The following GPM6B variants were observed in gnomAD, a reference collection of about 807,000 sequenced individuals.
GPM6B encodes glycoprotein M6B, also known as neuronal membrane glycoprotein M6-b.
In GPM6B, 4 loss-of-function variants were observed where a neutral mutation model predicts 27.2. The ratio of observed to expected loss-of-function variants is 0.15; its 90% confidence interval spans 0.07 to 0.34. The LOEUF (loss-of-function observed/expected upper bound fraction) is 0.34, where lower values mean the gene tolerates loss of function less well. Ranked by LOEUF, GPM6B falls within the 10% of genes least tolerant of loss-of-function variation. The pLI, the probability that GPM6B is intolerant of heterozygous loss-of-function variation, is 1.00. For synonymous variants in GPM6B, 124 were observed against 103.1 expected, an observed-to-expected ratio of 1.20 and a Z score of -1.23; for missense variants, 183 against 261.9, an observed-to-expected ratio of 0.70 and a Z score of 2.08.
rs5901522 is a variant in GPM6B at position 13,886,719 on chromosome X, T to TAAAAAA, written c.-198+51602_-198+51607dup. On this transcript the variant is annotated intron_variant, in intron 1 of 6. Transcript: ENST00000398361. ...ACCTCTCTCTACCTTAAGTCACTAC[T>TAAAAAA]AAAAAAAAAAAAAAAAAAAAAAATC... is the stretch of plus-strand genomic sequence containing the variant. Among the ~76,000 whole-genome samples the TAAAAAA allele has an allele frequency of 9.4e-4, 33 of 35,099 alleles. 5 individuals carry two copies. Among genetic ancestry groups the TAAAAAA allele is most frequent in the African/African-American group, 5.2e-3 (27 of 5,147 alleles). The allele number at this position is 35,099 out of a possible 115,157, so 30.5% of individuals were successfully genotyped here.
intron 1 of GPM6B, among the ~76,000 whole-genome samples, chrX:13,838,894 C>A (rs2049538013): frequency 9.0e-6 from 1 of 111,624 alleles, no homozygotes; most frequent in African/African-American, 3.3e-5. Flanking sequence ...AAGCCCCCAA[C>A]CTATTGACTG....
intron 1 of GPM6B, among the ~76,000 whole-genome samples, chrX:13,900,724 T>A (rs770348179): frequency 5.4e-5 from 6 of 112,055 alleles, no homozygotes; most frequent in African/African-American, 1.9e-4. Flanking sequence ...AACTTTTAAA[T>A]CTTGGATAGT....
chrX:13,848,709 G>T (rs186366334), intron 1 of GPM6B, among the ~76,000 whole-genome samples: 61 of 111,998 alleles, frequency 5.4e-4, no homozygotes, highest in Admixed American at 1.6e-3. Flanking sequence ...AAAAGTTAAA[G>T]AGTTATCATA....
chrX:13,871,067 T>TAAAACA (rs879688661), intron 1 of GPM6B, among the ~76,000 whole-genome samples: 2 of 97,372 alleles, frequency 2.1e-5, no homozygotes, highest in Admixed American at 1.2e-4. Context: ...ACCCTATCTC[T>TAAAACA]AAAACAAAAA....
intron 7 of GPM6B, among the ~76,000 whole-genome samples, chrX:13,775,373 A>T (rs1011107682): frequency 8.8e-6 from 1 of 113,165 alleles, no homozygotes; most frequent in Non-Finnish European, 1.9e-5. Context: ...GAGGCTGAAC[A>T]AGGCAATACT....
chrX:13,905,404 A>G (rs900127287), intron 1 of GPM6B, among the ~76,000 whole-genome samples: 5 of 111,301 alleles, frequency 4.5e-5, no homozygotes, highest in Non-Finnish European at 7.5e-5. Context: ...TCTTAAACTC[A>G]GTGGCTGACG....
At chrX:13,913,700 T>G (rs958894569) in intron 1 of GPM6B, among the ~76,000 whole-genome samples, 10 of 111,735 alleles carry the variant, frequency 8.9e-5, no homozygotes, top group African/African-American at 2.9e-4. Flanking sequence ...ATAACAAAAT[T>G]TATACTCAAC....
At chrX:13,898,548 C>A (rs1242170479) in intron 1 of GPM6B, among the ~76,000 whole-genome samples, 2 of 112,041 alleles carry the variant, frequency 1.8e-5, no homozygotes, top group African/African-American at 6.5e-5. Flanking sequence ...ATGGGTGATG[C>A]CAATGCACAT....
At chrX:13,869,237 T>C (rs1479394637) in intron 1 of GPM6B, among the ~76,000 whole-genome samples, 2 of 111,422 alleles carry the variant, frequency 1.8e-5, no homozygotes, top group East Asian at 5.6e-4. Flanking sequence ...AAATATCACA[T>C]ATGATTCAAT....
At position 13,783,624 on chromosome X, in the gene GPM6B, T is replaced by C. The variant is rs150424091; in HGVS notation, c.369-103A>G. The C allele has an allele frequency of 1.4e-3, 971 of 700,404 alleles. 9 individuals carry two copies. The East Asian group carries it at 0.023, about 17-fold the overall frequency. 57.7% of individuals were successfully genotyped at this position (700,404 alleles called of 1,213,427 possible). ...GACATGAGGGGGATGTTCCTGTGAG[T>C]GCGTCACTCGCCCCACTGATGGCTT... On this transcript the variant is annotated intron_variant, in intron 3 of 7. Coordinates refer to ENST00000316715, the MANE Select transcript of GPM6B (RefSeq NM_001001995.3).
intron 1 of GPM6B, among the ~76,000 whole-genome samples, chrX:13,891,736 G>T (rs1475754832): frequency 8.9e-6 from 1 of 111,980 alleles, no homozygotes; most frequent in Non-Finnish European, 1.9e-5. Flanking sequence ...TATGATTTAA[G>T]TCTGCTTGTC....
intron 1 of GPM6B, among the ~76,000 whole-genome samples, chrX:13,905,895 C>T (rs1371712471): frequency 9.0e-6 from 1 of 110,614 alleles, no homozygotes; most frequent in Non-Finnish European, 1.9e-5. Context: ...AAAAAAAAAC[C>T]CTCTGAATCC....
At chrX:13,836,430 A>T (rs755121988) in intron 1 of GPM6B, among the ~76,000 whole-genome samples, 1 of 112,362 alleles carries the variant, frequency 8.9e-6, no homozygotes, top group East Asian at 2.8e-4. Context: ...TAAATGAATG[A>T]GCTCTAACCC....
At chrX:13,818,859 C>G (rs1481296372), upstream of GPM6B, among the ~76,000 whole-genome samples, 1 of 112,542 alleles carries the variant, frequency 8.9e-6, no homozygotes, top group Non-Finnish European at 1.9e-5. Context: ...GCTTTCCCAG[C>G]AGTTCAAATG....
chrX:13,792,306 T>C (rs1310562783), intron 2 of GPM6B, among the ~76,000 whole-genome samples: 1 of 111,878 alleles, frequency 8.9e-6, no homozygotes, highest in Non-Finnish European at 1.9e-5. Flanking sequence ...TATGCTCTTA[T>C]AACAAAGAAT....
intron 1 of GPM6B, among the ~76,000 whole-genome samples, chrX:13,898,296 G>GC (rs1190659852): frequency 1.8e-5 from 2 of 112,307 alleles, no homozygotes; most frequent in African/African-American, 3.2e-5. Flanking sequence ...AAAAATGTCT[G>GC]CAAGACATTG....
intron 1 of GPM6B, among the ~76,000 whole-genome samples, chrX:13,892,481 T>C (rs1275809214): frequency 1.8e-5 from 2 of 112,385 alleles, no homozygotes; most frequent in Admixed American, 1.9e-4. Context: ...TCCATGCTTA[T>C]ATACCAAGTG....
rs1266901945 is a variant in GPM6B at position 13,827,172 on chromosome X, G to A, written c.-197-41364C>T. On this transcript the variant is annotated intron_variant, in intron 1 of 6. Coordinates refer to the GPM6B transcript ENST00000398361. Reference sequence around the variant, plus strand: ...TATATCATCTGCCAAAATCCCAATCGCACTGTCTCCCCATCTCCCCAGCTC... The same window carrying A: ...TATATCATCTGCCAAAATCCCAATCACACTGTCTCCCCATCTCCCCAGCTC... Among the ~76,000 whole-genome samples the A allele has an allele frequency of 3.7e-5, 4 of 108,531 alleles. No individual in the cohort carries two copies. The South Asian group carries it at 1.2e-3, about 34-fold the overall frequency. The allele number at this position is 108,531 out of a possible 115,157, so 94.2% of individuals were successfully genotyped here. A position where few individuals can be genotyped will look rare whatever the true frequency, so the allele number is the denominator to read the frequency against.
At chrX:13,922,000 G>A (rs1325844606) in intron 1 of GPM6B, among the ~76,000 whole-genome samples, 1 of 111,814 alleles carries the variant, frequency 8.9e-6, no homozygotes, top group Non-Finnish European at 1.9e-5. Flanking sequence ...CCCAGGTGTT[G>A]CCATGGCAAT....
Sources: allele counts gnomAD v4.1 joint callset (sites outside exome capture counted in the v4.1 genomes callset), GRCh38; gene constraint gnomAD v4.1.1; transcripts MANE v1.5; gene names NCBI Gene and HGNC (gene_info 2026-07-23, HGNC 2026-07-21).